FRMD4A: variants seen among roughly 807,000 people sequenced by gnomAD.
FRMD4A encodes the protein FERM domain containing 4A.
FRMD4A carries 29 observed loss-of-function variants against 129.1 expected under a neutral mutation model. The observed-to-expected ratio is 0.22, with a 90% CI of 0.17 to 0.31. The LOEUF is 0.31. Ranked by LOEUF, FRMD4A falls within the 10% of genes least tolerant of loss-of-function variation. The pLI, the probability that FRMD4A is intolerant of heterozygous loss-of-function variation, is 1.00. For synonymous variants in FRMD4A, 634 were observed against 571.6 expected (o/e 1.11, Z -1.56); for missense variants, 1,272 against 1,375.8 (o/e 0.92, Z 1.19).
chr10:13,658,413 A>C (rs1196608035), intron 21 of FRMD4A, among the ~76,000 whole-genome samples: 1 of 152,226 alleles, frequency 6.6e-6, no homozygotes, highest in Non-Finnish European at 1.5e-5. Flanking sequence ...GGAAGTGCAA[A>C]ACAGTATCAC....
At chr10:13,988,921 C>T (rs7922870) in intron 2 of FRMD4A, among the ~76,000 whole-genome samples, 51,893 of 152,032 alleles carry the variant, frequency 0.34, 9,559 homozygotes, top group East Asian at 0.72. Context: ...AGCAACTACA[C>T]GGGAACTTGG....
At chr10:13,779,537 G>A (rs565191868) in intron 6 of FRMD4A, among the ~76,000 whole-genome samples, 3 of 152,072 alleles carry the variant, frequency 2.0e-5, no homozygotes, top group South Asian at 2.1e-4. Context: ...GACTTCAGAC[G>A]AGTCCCTGAC....
intron 2 of FRMD4A, chr10:13,891,850 G>A (rs1408042648): frequency 3.6e-6 from 2 of 561,920 alleles, no homozygotes; most frequent in Non-Finnish European, 4.5e-6. Flanking sequence ...CTGGCCCGGC[G>A]CCAGTGAGCC....
At chr10:14,018,993 G>T (rs976462474) in intron 2 of FRMD4A, among the ~76,000 whole-genome samples, 2 of 152,080 alleles carry the variant, frequency 1.3e-5, no homozygotes, top group Admixed American at 1.3e-4. Context: ...TCAATAACAC[G>T]CACATTTACT....
rs193139673 is a variant in FRMD4A, at chr10:13,804,810, G to A, written c.206+6004C>T. 2.7e-3 allele frequency among the ~76,000 whole-genome samples: 401 copies of A among 149,802 alleles called. 1 individual carries two copies. The highest frequency in any genetic ancestry group is 9.3e-3 in the African/African-American group (379 of 40,662). The stretch of plus-strand genomic sequence containing the variant: ...CTTGACCTTGTGATCTGCCTACCTC[G>A]GCCTCCCAAAGTGTTAGGATTACAG... On this transcript the variant is annotated intron_variant, in intron 4 of 24. Transcript: ENST00000357447.
Position 13,903,366 on chromosome 10 carries a change from C to T in FRMD4A, c.46-44454G>A, listed in dbSNP as rs547921803. Among the ~76,000 whole-genome samples, 4 of 152,256 alleles carry T rather than the reference C, an allele frequency of 2.6e-5. No individual in the cohort carries two copies. The East Asian group carries it at 5.8e-4, about 22-fold the overall frequency. ...TCCTTCCCACGAGAGCAGGGATTTA[C>T]GTCCATTTGGCTTTTTGCTAAATCT... On this transcript the variant is annotated intron_variant, in intron 2 of 24. Coordinates refer to ENST00000357447, the MANE Select transcript of FRMD4A (RefSeq NM_018027.5).
intron 3 of FRMD4A, among the ~76,000 whole-genome samples, chr10:13,838,931 A>G (rs1297557195): frequency 2.0e-5 from 3 of 150,742 alleles, no homozygotes; most frequent in Admixed American, 6.6e-5. Flanking sequence ...CCATCCAATG[A>G]TGATTAAGAT....
chr10:13,884,210 A>ACACACTCACACACACACACACACACT (rs1564971793), intron 2 of FRMD4A, among the ~76,000 whole-genome samples: 12 of 80,752 alleles, frequency 1.5e-4, no homozygotes, highest in African/African-American at 5.5e-4. Context: ...ACACACACTC[A>ACACACTCACACACACACACACACACT]CACACACACA....
intron 8 of FRMD4A, among the ~76,000 whole-genome samples, chr10:13,752,807 C>G (rs937454557): frequency 2.6e-4 from 39 of 152,182 alleles, no homozygotes; most frequent in African/African-American, 9.4e-4. Flanking sequence ...AAGCTAGAGT[C>G]TAAGAAACAT....
chr10:14,318,624 A>G (rs1176567635), intron 2 of FRMD4A, among the ~76,000 whole-genome samples: 2 of 151,960 alleles, frequency 1.3e-5, no homozygotes, highest in African/African-American at 4.8e-5. Flanking sequence ...AAAAAAAAAA[A>G]AAAAATGACT....
intron 2 of FRMD4A, among the ~76,000 whole-genome samples, chr10:13,997,166 G>A (rs2095625592): frequency 6.6e-6 from 1 of 151,994 alleles, no homozygotes; most frequent in African/African-American, 2.4e-5. Context: ...TGCATGGGTT[G>A]TGGAAGCTGG....
intron 14 of FRMD4A, 73 bp from the exon 15 acceptor site, chr10:13,694,112 G>C (rs1002035447): frequency 7.9e-7 from 1 of 1,270,742 alleles, no homozygotes; most frequent in Non-Finnish European, 1.1e-6. Context: ...CCTCGCCCGC[G>C]CCTGCTCACC....
chr10:14,167,875 G>A (rs1841273057), intron 2 of FRMD4A, among the ~76,000 whole-genome samples: 2 of 152,166 alleles, frequency 1.3e-5, no homozygotes, highest in Admixed American at 1.3e-4. Flanking sequence ...GGCTCAGGGA[G>A]CTATAGGGCA....
At chr10:13,686,633 C>T (rs1402981294) in intron 15 of FRMD4A, among the ~76,000 whole-genome samples, 4 of 152,180 alleles carry the variant, frequency 2.6e-5, no homozygotes, top group Admixed American at 6.5e-5. Context: ...TTTCATTTCT[C>T]GTTTTTTAAA....
chr10:14,265,201 C>G (rs1844937564), intron 2 of FRMD4A, among the ~76,000 whole-genome samples: 1 of 152,182 alleles, frequency 6.6e-6, no homozygotes, highest in Non-Finnish European at 1.5e-5. Flanking sequence ...GGCAGCCTTC[C>G]TCGTGCCAAG....
intron 6 of FRMD4A, among the ~76,000 whole-genome samples, chr10:13,765,447 A>AG (rs2092254760): frequency 1.3e-5 from 2 of 152,048 alleles, no homozygotes; most frequent in Admixed American, 6.5e-5. Context: ...ATTTTTTGAG[A>AG]GGTCCAGAAT....
At chr10:14,055,458 C>CAA (rs1834472900) in intron 2 of FRMD4A, among the ~76,000 whole-genome samples, 1 of 14,306 alleles carries the variant, frequency 7.0e-5, no homozygotes, top group African/African-American at 2.3e-4. Flanking sequence ...CACACACACA[C>CAA]ACAAACACAC....
chr10:14,298,919 A>G (rs774074288), intron 2 of FRMD4A, among the ~76,000 whole-genome samples: 10 of 152,184 alleles, frequency 6.6e-5, no homozygotes, highest in Non-Finnish European at 1.2e-4. Flanking sequence ...TGGATTACTC[A>G]GAGGATGAAA....
At chr10:14,269,695 C>A (rs1338083468) in intron 2 of FRMD4A, among the ~76,000 whole-genome samples, 1 of 152,172 alleles carries the variant, frequency 6.6e-6, no homozygotes, top group African/African-American at 2.4e-5. Context: ...CATCTCAAAG[C>A]CCTTAAGCTT....
Sources: gnomAD v4.1 joint callset for allele counts (sites outside exome capture counted in the v4.1 genomes callset) on GRCh38, gnomAD v4.1.1 for gene constraint, MANE v1.5 for transcripts, NCBI Gene and HGNC (gene_info 2026-07-23, HGNC 2026-07-21) for gene names.